The following AAGAB variants were observed in gnomAD, a reference collection of about 807,000 sequenced individuals.
The protein encoded by AAGAB is alpha- and gamma-adaptin-binding protein p34.
A neutral mutation model predicts 44.1 loss-of-function variants in AAGAB; 38 were observed. The observed-to-expected ratio is 0.86, with a 90% CI of 0.67 to 1.13. The LOEUF (loss-of-function observed/expected upper bound fraction) is 1.13, where lower values mean the gene tolerates loss of function less well. Ranked by LOEUF, AAGAB falls within the 50% of genes most tolerant of loss-of-function variation. AAGAB has a pLI of 0.00. For missense variants in AAGAB, 450 were observed against 373.8 expected, an observed-to-expected ratio of 1.20 and a Z score of -1.68; for synonymous variants, 131 against 131.8, an observed-to-expected ratio of 0.99 and a Z score of 0.04.
intron 5 of AAGAB, among the ~76,000 whole-genome samples, chr15:67,229,786 C>T (rs927064974): frequency 7.9e-5 from 12 of 152,024 alleles, no homozygotes; most frequent in Non-Finnish European, 1.8e-4. Flanking sequence ...CGGTCTTCTA[C>T]TTGACCTTTA....
intron 5 of AAGAB, among the ~76,000 whole-genome samples, chr15:67,226,084 A>G (rs1319818059): frequency 6.6e-6 from 1 of 151,370 alleles, no homozygotes; most frequent in Non-Finnish European, 1.5e-5. Context: ...GTGGTATTTC[A>G]TTGTTGTGAT....
intron 5 of AAGAB, among the ~76,000 whole-genome samples, chr15:67,225,446 TG>T (rs1223060116): frequency 1.3e-5 from 2 of 152,178 alleles, no homozygotes; most frequent in Non-Finnish European, 2.9e-5. Flanking sequence ...CTTTTAAAAA[TG>T]TATGATTCAG....
intron 1 of AAGAB, chr15:67,242,791 C>T (rs1027813807): frequency 6.6e-6 from 1 of 152,096 alleles, no homozygotes; most frequent in Non-Finnish European, 1.5e-5. Context: ...TATGACAGGT[C>T]GATCACTGGA....
intron 5 of AAGAB, among the ~76,000 whole-genome samples, chr15:67,228,456 T>C (rs918205409): frequency 5.3e-5 from 8 of 152,212 alleles, no homozygotes; most frequent in Non-Finnish European, 8.8e-5. Context: ...TGGCTATGAT[T>C]AAAAAGTCAG....
intron 1 of AAGAB, among the ~76,000 whole-genome samples, chr15:67,247,516 G>T (rs1390769817): frequency 6.6e-6 from 1 of 152,152 alleles, no homozygotes; most frequent in Non-Finnish European, 1.5e-5. Flanking sequence ...GAACCCTCCA[G>T]GATGATAAAA....
chr15:67,253,559 G>A (rs1471673462), intron 1 of AAGAB, among the ~76,000 whole-genome samples: 1 of 152,038 alleles, frequency 6.6e-6, no homozygotes, highest in Non-Finnish European at 1.5e-5. Flanking sequence ...TTGGAGACCA[G>A]CCTGAGCAAC....
At chr15:67,226,261 T>C (rs1964202037) in intron 5 of AAGAB, among the ~76,000 whole-genome samples, 1 of 152,022 alleles carries the variant, frequency 6.6e-6, no homozygotes, top group Non-Finnish European at 1.5e-5. Flanking sequence ...GCCTCCCCAA[T>C]AGCTGGGACT....
At chr15:67,236,868 C>A in intron 1 of AAGAB, 48 bp from the exon 2 acceptor site, 1 of 1,412,344 alleles carries the variant, frequency 7.1e-7, no homozygotes, top group Non-Finnish European at 9.6e-7. Context: ...AACCAATATA[C>A]ATTGGTTGAT....
At chr15:67,215,236 G>A (rs532872170) in intron 5 of AAGAB, among the ~76,000 whole-genome samples, 1 of 152,204 alleles carries the variant, frequency 6.6e-6, no homozygotes, top group African/African-American at 2.4e-5. Flanking sequence ...ATGGACAATC[G>A]CTAATGGTTC....
At position 67,233,483 on chromosome 15, in the gene AAGAB, T is replaced by A. The variant is rs77134070; in HGVS notation, c.452-1586A>T. 4.3e-3 allele frequency among the ~76,000 whole-genome samples: 650 copies of A among 152,284 alleles called. 9 individuals are homozygous for A. Among genetic ancestry groups the A allele is most frequent in the African/African-American group, 0.015 (613 of 41,544 alleles). The stretch of plus-strand genomic sequence containing the variant: ...TTGTAAGGCTGCGTCTGGAAAATAA[T>A]GACAGAAATAGTTTTCATGTGGTTA... On this transcript the variant is annotated intron_variant, in intron 4 of 9. Coordinates refer to ENST00000261880, the MANE Select transcript of AAGAB (RefSeq NM_024666.5).
At chr15:67,254,863 G>C (rs754435742), upstream of AAGAB, 7 of 1,606,468 alleles carry the variant, frequency 4.4e-6, no homozygotes, top group East Asian at 1.6e-4. Flanking sequence ...TGGAAACCGC[G>C]CCTCCGCGGA....
At chr15:67,205,739 T>C (rs767470574) in intron 7 of AAGAB, among the ~76,000 whole-genome samples, 1 of 152,120 alleles carries the variant, frequency 6.6e-6, no homozygotes, top group Non-Finnish European at 1.5e-5. Flanking sequence ...TGTAGTGGCA[T>C]ACCAGGGGCA....
intron 7 of AAGAB, among the ~76,000 whole-genome samples, chr15:67,207,326 G>C (rs1963708527): frequency 6.6e-6 from 1 of 152,164 alleles, no homozygotes; most frequent in African/African-American, 2.4e-5. Flanking sequence ...AAATATATGT[G>C]TGTATACTAA....
intron 4 of AAGAB, 31 bp downstream of exon 4, chr15:67,235,948 C>T (rs1249269140): frequency 1.4e-6 from 2 of 1,421,236 alleles, no homozygotes; most frequent in Non-Finnish European, 2.0e-6. Flanking sequence ...TATCTAAGTG[C>T]CATATTTTCT....
intron 1 of AAGAB, 44 bp downstream of exon 1, chr15:67,254,515 G>C: frequency 6.4e-7 from 1 of 1,559,092 alleles, no homozygotes; most frequent in Non-Finnish European, 8.7e-7. Context: ...CGCCCGCTGA[G>C]GCTCAGGGGC....
At chr15:67,213,787 T>C (rs1270679459) in intron 5 of AAGAB, among the ~76,000 whole-genome samples, 4 of 152,250 alleles carry the variant, frequency 2.6e-5, no homozygotes, top group Non-Finnish European at 4.4e-5. Context: ...AGATAACATT[T>C]ACTAAGTGCT....
intron 1 of AAGAB, among the ~76,000 whole-genome samples, chr15:67,253,365 T>C (rs1014326153): frequency 4.1e-5 from 6 of 147,092 alleles, no homozygotes; most frequent in Admixed American, 1.3e-4. Flanking sequence ...GAGGCAGAGG[T>C]TGCAGTGAGC....
At chr15:67,238,358 T>G (rs1394402269) in intron 1 of AAGAB, among the ~76,000 whole-genome samples, 3 of 152,210 alleles carry the variant, frequency 2.0e-5, no homozygotes, top group Non-Finnish European at 2.9e-5. Context: ...CGCAACCAGC[T>G]GCTATGTCCC....
chr15:67,246,488 G>A (rs555480876), intron 1 of AAGAB, among the ~76,000 whole-genome samples: 7 of 151,890 alleles, frequency 4.6e-5, no homozygotes, highest in Admixed American at 2.0e-4. Flanking sequence ...TATTAGAAAC[G>A]TATTTGTGGT....
Sources: allele counts gnomAD v4.1 joint callset (sites outside exome capture counted in the v4.1 genomes callset), GRCh38; gene constraint gnomAD v4.1.1; transcripts MANE v1.5; gene names NCBI Gene and HGNC (gene_info 2026-07-23, HGNC 2026-07-21).